The following ANXA3 variants were observed in gnomAD, a reference collection of about 807,000 sequenced individuals.
ANXA3 encodes the protein 35-alpha calcimedin.
ANXA3 carries 46 observed loss-of-function variants against 48.8 expected under a neutral mutation model. The ratio of observed to expected loss-of-function variants is 0.94; its 90% CI spans 0.74 to 1.21. ANXA3 has a LOEUF of 1.21. Among genes scored for constraint, ANXA3 ranks in the 50% most tolerant of loss-of-function variants. The pLI, the probability that ANXA3 is intolerant of heterozygous loss-of-function variation, is 0.00. For missense variants in ANXA3, 383 were observed against 378.6 expected (o/e 1.01, Z -0.10); for synonymous variants, 128 against 134.7 (o/e 0.95, Z 0.35).
Position 78,554,829 on chromosome 4 carries a change from TG to T in ANXA3, c.15+345del, listed in dbSNP as rs556702649. Among the ~76,000 whole-genome samples, 916 of 152,338 alleles carry T rather than the reference TG, an allele frequency of 6.0e-3. 3 individuals carry two copies. The highest frequency in any genetic ancestry group is 0.011 in the Admixed American group (170 of 15,302). ...AATGTTAGGAAAACTTCTAGCTGTT[TG>T]GGGAAAAAGTAAATCTGTATTCCTT... On this transcript the variant is annotated intron_variant, in intron 2 of 12. Transcript: ENST00000264908.
At chr4:78,583,481 AG>A (rs1723114816) in intron 5 of ANXA3, among the ~76,000 whole-genome samples, 1 of 143,112 alleles carries the variant, frequency 7.0e-6, no homozygotes, top group Non-Finnish European at 1.5e-5. Flanking sequence ...AAAATTAGCC[AG>A]GCATGGTGGC....
At chr4:78,564,329 A>G (rs1347157856) in intron 2 of ANXA3, among the ~76,000 whole-genome samples, 1 of 152,240 alleles carries the variant, frequency 6.6e-6, no homozygotes, top group African/African-American at 2.4e-5. Flanking sequence ...CTCCCAGAAT[A>G]CAATAGGAAC....
At chr4:78,558,626 A>G (rs1578389706) in intron 2 of ANXA3, among the ~76,000 whole-genome samples, 1 of 152,236 alleles carries the variant, frequency 6.6e-6, no homozygotes. Context: ...TAGGTCTTTT[A>G]TATTCTATCT....
intron 2 of ANXA3, among the ~76,000 whole-genome samples, chr4:78,558,375 C>T (rs889524862): frequency 2.6e-5 from 4 of 152,166 alleles, no homozygotes; most frequent in African/African-American, 9.7e-5. Context: ...TGGTAAAAAC[C>T]CTCAGATTTC....
chr4:78,610,088 C>G lies in ANXA3; in HGVS notation c.945C>G (p.Leu315=). ...SDTSGDYEIT[L]LKICGGDD ...CTTCTGGAGACTATGAAATCACACTCTTAAAAATCTGTGGTGGAGATGACT... is the reference window on the plus strand; with the variant it reads ...CTTCTGGAGACTATGAAATCACACTGTTAAAAATCTGTGGTGGAGATGACT... Residue 315 remains leucine (L), a synonymous_variant, in exon 13 of 13, where the codon CTC becomes CTG. Coordinates refer to ENST00000264908, the MANE Select transcript of ANXA3 (RefSeq NM_005139.3). The G allele has an allele frequency of 6.2e-7, 1 of 1,611,288 alleles. No individual in the cohort carries two copies. The highest frequency in any genetic ancestry group is 8.5e-7 in the Non-Finnish European group (1 of 1,178,300).
At chr4:78,588,718 T>C (rs2109941186) in intron 6 of ANXA3, among the ~76,000 whole-genome samples, 1 of 152,242 alleles carries the variant, frequency 6.6e-6, no homozygotes, top group East Asian at 1.9e-4. Flanking sequence ...GTGAACAGCC[T>C]TCCCTGGGTT....
In ANXA3 at chr4:78,585,128, C is replaced by T. The variant is rs369279113; in HGVS notation, c.313-1132C>T. Among the ~76,000 whole-genome samples the T allele has an allele frequency of 2.8e-4, 42 of 152,356 alleles. 1 individual carries two copies. In the South Asian group the frequency reaches 8.3e-3, roughly 30 times the overall value. ...TTGGAGGCTGTTAGCTAACTGCGTT[C>T]TTTGCAGCTGATTCTCTTGAAGTGA... On this transcript the variant is annotated intron_variant, in intron 5 of 12. Transcript: ENST00000264908.
intron 2 of ANXA3, among the ~76,000 whole-genome samples, chr4:78,556,202 G>A (rs1228110164): frequency 1.3e-5 from 2 of 152,094 alleles, no homozygotes; most frequent in South Asian, 2.1e-4. Context: ...AATGTCCATC[G>A]ATAGGGTAGG....
chr4:78,580,652 C>T (rs1723052825), intron 4 of ANXA3, among the ~76,000 whole-genome samples: 1 of 152,202 alleles, frequency 6.6e-6, no homozygotes, highest in Admixed American at 6.5e-5. Flanking sequence ...ACAGGCACCT[C>T]AGGAATTACC....
At chr4:78,577,992 A>G (rs1358138043) in intron 3 of ANXA3, among the ~76,000 whole-genome samples, 1 of 151,934 alleles carries the variant, frequency 6.6e-6, no homozygotes, top group Non-Finnish European at 1.5e-5. Flanking sequence ...GAAATTTATG[A>G]GAGAGGCCGG....
At chr4:78,579,827 G>A (rs1205663601) in intron 4 of ANXA3, among the ~76,000 whole-genome samples, 1 of 152,156 alleles carries the variant, frequency 6.6e-6, no homozygotes, top group Non-Finnish European at 1.5e-5. Context: ...TACTCGGGAG[G>A]CTGAGGGCTG....
chr4:78,565,200 G>A (rs1283773361), intron 2 of ANXA3, among the ~76,000 whole-genome samples: 3 of 152,050 alleles, frequency 2.0e-5, no homozygotes, highest in African/African-American at 7.2e-5. Flanking sequence ...CATCATATTG[G>A]CCAGGCTGGT....
At position 78,591,395 on chromosome 4, in the gene ANXA3, C is replaced by T; in HGVS notation, c.404-149C>T. Reference sequence around the variant, plus strand: ...ACAAGAAGAATGTACCATCTCACAACAGAAAAGCATGAAGAAATTAAATAA... The same window carrying T: ...ACAAGAAGAATGTACCATCTCACAATAGAAAAGCATGAAGAAATTAAATAA... On this transcript the variant is annotated intron_variant, in intron 6 of 12. Coordinates refer to ENST00000264908, the MANE Select transcript of ANXA3 (RefSeq NM_005139.3). 3 of 588,968 alleles carry T rather than the reference C, an allele frequency of 5.1e-6. No homozygotes were observed. In the East Asian group the frequency reaches 8.4e-5, roughly 17 times the overall value. The allele number at this position is 588,968 out of a possible 1,614,324, so 36.5% of individuals were successfully genotyped here.
At chr4:78,570,566 C>T (rs1231552185) in intron 2 of ANXA3, among the ~76,000 whole-genome samples, 1 of 152,136 alleles carries the variant, frequency 6.6e-6, no homozygotes, top group African/African-American at 2.4e-5. Flanking sequence ...AGTATCACTC[C>T]AGGTGGTACA....
intron 7 of ANXA3, among the ~76,000 whole-genome samples, chr4:78,591,868 C>G (rs1474235847): frequency 6.6e-6 from 1 of 152,172 alleles, no homozygotes; most frequent in East Asian, 1.9e-4. Context: ...GTGTTTTGGT[C>G]AGGTTTCACA....
At chr4:78,599,492 T>C (rs1466181971) in intron 10 of ANXA3, among the ~76,000 whole-genome samples, 1 of 152,194 alleles carries the variant, frequency 6.6e-6, no homozygotes, top group Non-Finnish European at 1.5e-5. Flanking sequence ...CAGACTTAAG[T>C]AAGGAGAGGC....
chr4:78,568,984 A>G (rs889258139), intron 2 of ANXA3, among the ~76,000 whole-genome samples: 4 of 152,242 alleles, frequency 2.6e-5, no homozygotes, highest in African/African-American at 9.6e-5. Flanking sequence ...TGTGAAAAGG[A>G]TTTATTATAT....
intron 2 of ANXA3, 76 bp from the exon 3 acceptor site, chr4:78,573,104 C>A: frequency 9.4e-7 from 1 of 1,062,260 alleles, no homozygotes; most frequent in Non-Finnish European, 1.5e-6. Context: ...CTCTCATATG[C>A]ATGAAGGAAT....
chr4:78,586,087 A>C (rs1723168527), intron 5 of ANXA3, among the ~76,000 whole-genome samples, 173 bp from the exon 6 acceptor site: 1 of 152,150 alleles, frequency 6.6e-6, no homozygotes, highest in African/African-American at 2.4e-5. Context: ...ATTCCAGATG[A>C]TTTATGTTAT....
Sources: gnomAD v4.1 joint callset for allele counts (sites outside exome capture counted in the v4.1 genomes callset) on GRCh38, gnomAD v4.1.1 for gene constraint, MANE v1.5 for transcripts, NCBI Gene and HGNC (gene_info 2026-07-23, HGNC 2026-07-21) for gene names.